JAG2: variants seen among roughly 807,000 people sequenced by gnomAD.
JAG2 encodes protein jagged-2.
JAG2 carries 46 observed loss-of-function variants against 141.7 expected under a neutral mutation model. That is an observed-to-expected ratio of 0.32 (90% CI 0.26 to 0.42). The LOEUF (loss-of-function observed/expected upper bound fraction) is 0.42, where lower values mean the gene tolerates loss of function less well. JAG2 is among the 10% of genes least tolerant of loss of function. The pLI is 1.00. For missense variants in JAG2, 1,500 were observed against 1,817.5 expected (o/e 0.83, Z 3.18); for synonymous variants, 862 against 763.5 (o/e 1.13, Z -2.13).
At position 105,167,728 on chromosome 14, in the gene JAG2, CTGGAGCACGAGGGA is replaced by C. The variant is rs1218762949; in HGVS notation, c.417+15_417+28del. 5 of 1,428,684 alleles carry C rather than the reference CTGGAGCACGAGGGA, an allele frequency of 3.5e-6. No individual in the cohort carries two copies. Among genetic ancestry groups the C allele is most frequent in the Non-Finnish European group, 3.7e-6 (4 of 1,091,072 alleles). 88.5% of individuals were successfully genotyped at this position (1,428,684 alleles called of 1,614,324 possible). A position where few individuals can be genotyped will look rare whatever the true frequency, so the allele number is the denominator to read the frequency against. ...CGGGGCGCGGAGAGAGAGGGAAGGG[CTGGAGCACGAGGGA>C]TGGAGCGCACGTACCGGCCAGGCGA... On this transcript the variant is annotated intron_variant, in intron 2 of 25. Coordinates refer to ENST00000331782, the MANE Select transcript of JAG2 (RefSeq NM_002226.5). This position sits in a 1 kb window ranked among gnomAD's most constrained non-coding sequence, Gnocchi z 4.8.
At chr14:105,143,983 C>T (rs1888146177) in intron 24 of JAG2, among the ~76,000 whole-genome samples, 1 of 137,586 alleles carries the variant, frequency 7.3e-6, no homozygotes, top group Non-Finnish European at 1.5e-5. Context: ...GGGGACCTCA[C>T]CAGCAGGCAG....
At chr14:105,156,789 C>T (rs587681741) in intron 3 of JAG2, among the ~76,000 whole-genome samples, 2 of 152,290 alleles carry the variant, frequency 1.3e-5, no homozygotes, top group Admixed American at 1.3e-4. Context: ...TCCAGGCTCA[C>T]GTTGTCAAGA....
At position 105,151,386 on chromosome 14, in the gene JAG2, C is replaced by T. The variant is rs774192257; in HGVS notation, c.1164G>A (p.Glu388=). Residue 388 remains glutamate (E), a synonymous_variant, in exon 9 of 26, where the codon GAG becomes GAA. Coordinates refer to ENST00000331782, the MANE Select transcript of JAG2 (RefSeq NM_002226.5). ...SGPTCALDID[E]CASNPCAAGG... ...CGGCCGCACACGGGTTCGAAGCACA[C>T]TCATCGATGTCTGCAGAGGGTGGAG... 1.7e-5 allele frequency: 28 copies of T among 1,610,920 alleles called. No homozygotes were observed. Among genetic ancestry groups the T allele is most frequent in the Non-Finnish European group, 2.2e-5 (26 of 1,179,942 alleles).
intron 3 of JAG2, 89 bp from the exon 4 acceptor site, chr14:105,156,078 C>A (rs587762614): frequency 1.3e-6 from 2 of 1,503,590 alleles, no homozygotes; most frequent in African/African-American, 1.4e-5. Flanking sequence ...CAGAAGCCTG[C>A]GGCTGCTGCA....
intron 24 of JAG2, among the ~76,000 whole-genome samples, chr14:105,144,202 C>T (rs1212341786): frequency 2.0e-5 from 3 of 151,728 alleles, no homozygotes; most frequent in Non-Finnish European, 2.9e-5. Context: ...AGGGGCACCA[C>T]AAACCTAGTG....
Position 105,142,351 on chromosome 14 carries a change from A to T in JAG2, c.*344T>A. On this transcript the variant is annotated 3_prime_UTR_variant, in exon 26 of 26. Transcript: ENST00000331782. ...CCACAGAGAAACCCGAGTGAGGAAT[A>T]AAAGGAAGATTCTGTAAACAGTGCA... 1 of 230,774 alleles carries T rather than the reference A, an allele frequency of 4.3e-6. No individual in the cohort carries two copies. The highest frequency in any genetic ancestry group is 6.9e-5 in the South Asian group (1 of 14,422). The allele number at this position is 230,774 out of a possible 1,614,324, so 14.3% of individuals were successfully genotyped here.
In JAG2 at chr14:105,146,609, A is replaced by C; in HGVS notation, c.2593+2T>G. On this transcript the variant is annotated splice_donor_variant, in intron 21 of 25. Coordinates refer to ENST00000331782, the MANE Select transcript of JAG2 (RefSeq NM_002226.5). LOFTEE classifies it high-confidence loss of function. ...AACCCAGGGCAATCACACGGGGCCTACCTTCCTGGCACCGGGGGCCGGCTC... is the reference window on the plus strand; with the variant it reads ...AACCCAGGGCAATCACACGGGGCCTCCCTTCCTGGCACCGGGGGCCGGCTC... 6.2e-7 allele frequency: 1 copy of C among 1,611,992 alleles called. No individual in the cohort carries two copies. Among genetic ancestry groups the C allele is most frequent in the Non-Finnish European group, 8.5e-7 (1 of 1,179,328 alleles).
rs377202261 is a variant in JAG2, at chr14:105,150,953, C to A, written c.1381+38G>T. 36 of 1,595,110 alleles carry A rather than the reference C, an allele frequency of 2.3e-5. 1 individual carries two copies. The African/African-American group carries it at 4.4e-4, about 20-fold the overall frequency. On this transcript the variant is annotated intron_variant, in intron 10 of 25. Coordinates refer to ENST00000331782, the MANE Select transcript of JAG2 (RefSeq NM_002226.5). ...AGGGTCAGAGGCGGGGTCCCATGTG[C>A]CTCGGCCCACCCGCCGGCGCCCACC...
rs769456200 is a variant in JAG2, at chr14:105,167,278, C to T, written c.417+479G>A. Among the ~76,000 whole-genome samples the T allele has an allele frequency of 1.3e-4, 20 of 152,196 alleles. No individual in the cohort carries two copies. Among genetic ancestry groups the T allele is most frequent in the Non-Finnish European group, 2.6e-4 (18 of 68,016 alleles). ...GCGTTAGGCGTTAGGCTCTCCCGGG[C>T]CTAGGTCCCACGGCGCCCGCCCGTG... On this transcript the variant is annotated intron_variant, in intron 2 of 25. Coordinates refer to ENST00000331782, the MANE Select transcript of JAG2 (RefSeq NM_002226.5). This position sits in a 1 kb window ranked among gnomAD's most constrained non-coding sequence, Gnocchi z 4.8.
chr14:105,167,834 G>C lies in JAG2; in HGVS notation c.340C>G (p.Arg114Gly), dbSNP rs1888968533. 4 of 1,477,616 alleles carry C rather than the reference G, an allele frequency of 2.7e-6. No homozygotes were observed. Among genetic ancestry groups the C allele is most frequent in the Non-Finnish European group, 3.6e-6 (4 of 1,121,416 alleles). The allele number at this position is 1,477,616 out of a possible 1,614,324, so 91.5% of individuals were successfully genotyped here. A position where few individuals can be genotyped will look rare whatever the true frequency, so the allele number is the denominator to read the frequency against. ...YLPPAGAAGDRARARARAGGD... is the reference protein window; with the variant it reads ...YLPPAGAAGDGARARARAGGD... Reference sequence around the variant, plus strand: ...CCGGCCCGGGCCCGCGCCCGCGCTCGGTCCCCCGCAGCGCCCGCCGGCGGC... The same window carrying C: ...CCGGCCCGGGCCCGCGCCCGCGCTCCGTCCCCCGCAGCGCCCGCCGGCGGC... Residue 114 changes from arginine (R) to glycine (G), a missense_variant, in exon 2 of 26, where the codon CGA becomes GGA. This residue lies in a region of JAG2 where 200 missense variants were observed against 174.3 expected (regional missense o/e 1.15). Coordinates refer to ENST00000331782, the MANE Select transcript of JAG2 (RefSeq NM_002226.5). This position sits in a 1 kb window ranked among gnomAD's most constrained non-coding sequence, Gnocchi z 4.8.
At chr14:105,148,556 C>T (rs756927539) in intron 15 of JAG2, 117 bp from the exon 16 acceptor site, 18 of 818,182 alleles carry the variant, frequency 2.2e-5, no homozygotes, top group African/African-American at 1.2e-4. Context: ...GGGGGAGGAG[C>T]GTCGGGCCGG....
At chr14:105,163,798 G>A (rs1301751965) in intron 2 of JAG2, among the ~76,000 whole-genome samples, 1 of 145,322 alleles carries the variant, frequency 6.9e-6, no homozygotes, top group Non-Finnish European at 1.5e-5. Flanking sequence ...TGAGGATAGG[G>A]GCCCCACTCA....
chr14:105,152,832 G>C (rs920770265), intron 5 of JAG2, among the ~76,000 whole-genome samples: 1 of 152,258 alleles, frequency 6.6e-6, no homozygotes, highest in African/African-American at 2.4e-5. Context: ...AGGCCCACAG[G>C]CTGGCCTGGG....
At chr14:105,161,401 C>T (rs934037527) in intron 2 of JAG2, among the ~76,000 whole-genome samples, 1 of 152,172 alleles carries the variant, frequency 6.6e-6, no homozygotes, top group Non-Finnish European at 1.5e-5. Context: ...CCCGGTCTCC[C>T]GGCACAGCCA....
At position 105,141,907 on chromosome 14, in the gene JAG2, G is replaced by C. The variant is rs1184111974; in HGVS notation, c.*788C>G. On this transcript the variant is annotated 3_prime_UTR_variant, in exon 26 of 26. Transcript: ENST00000331782. ...GTCTGTGTGAAGGCACTTGTCACGAGCTTCAATACTGCCGCCGTCCCAGGA... is the reference window on the plus strand; with the variant it reads ...GTCTGTGTGAAGGCACTTGTCACGACCTTCAATACTGCCGCCGTCCCAGGA... The C allele has an allele frequency of 6.6e-6, 1 of 152,666 alleles. No homozygotes were observed. The highest frequency in any genetic ancestry group is 1.5e-5 in the Non-Finnish European group (1 of 68,096). The allele number at this position is 152,666 out of a possible 1,614,324, so 9.5% of individuals were successfully genotyped here.
chr14:105,167,546 C>A lies in JAG2; in HGVS notation c.417+211G>T, dbSNP rs1050362870. Among the ~76,000 whole-genome samples the A allele has an allele frequency of 1.4e-5, 2 of 146,636 alleles. No individual in the cohort carries two copies. Among genetic ancestry groups the A allele is most frequent in the East Asian group, 3.9e-4 (2 of 5,068 alleles). On this transcript the variant is annotated intron_variant, in intron 2 of 25. Transcript: ENST00000331782. This position sits in a 1 kb window ranked among gnomAD's most constrained non-coding sequence, Gnocchi z 4.8. ...CGCCGCCCCGCCCCCGCCGCGACCC[C>A]GCTCCCGGTGGCCCCGGGGCCCCGG...
chr14:105,162,777 CAGTCCAGGGCACCCCAA>C (rs1888793715), intron 2 of JAG2, among the ~76,000 whole-genome samples: 1 of 74,612 alleles, frequency 1.3e-5, no homozygotes, highest in Non-Finnish European at 3.2e-5. Flanking sequence ...AGTGTACCCA[CAGTCCAGGGCACCCCAA>C]AGCTCAGGGC....
At chr14:105,151,163 C>G in intron 9 of JAG2, 59 bp from the exon 10 acceptor site, 1 of 1,534,544 alleles carries the variant, frequency 6.5e-7, no homozygotes, top group East Asian at 2.4e-5. Flanking sequence ...CCCTGCAGCA[C>G]GGGCACCTGG....
intron 2 of JAG2, among the ~76,000 whole-genome samples, chr14:105,161,224 T>G (rs1235137455): frequency 2.0e-5 from 3 of 149,582 alleles, no homozygotes; most frequent in African/African-American, 7.4e-5. Flanking sequence ...AGGTCTGTTG[T>G]TGGGGGTCTG....
Sources: gnomAD v4.1 joint callset for allele counts (sites outside exome capture counted in the v4.1 genomes callset) on GRCh38, gnomAD v4.1.1 for gene constraint, gnomAD v4.1.1 regional missense constraint, Gnocchi (gnomAD v3.1) non-coding constraint, MANE v1.5 for transcripts, NCBI Gene and HGNC (gene_info 2026-07-23, HGNC 2026-07-21) for gene names.